Variants in NLGN4X observed in about 807,000 individuals in gnomAD.
NLGN4X encodes neuroligin 4 X-linked.
Under a neutral mutation model 40.3 loss-of-function variants are expected in NLGN4X, and 3 were observed. That is an observed-to-expected ratio of 0.07 (90% confidence interval 0.03 to 0.19). The LOEUF is 0.19. Among genes scored for constraint, NLGN4X ranks in the 10% least tolerant of loss-of-function variants. The probability of loss-of-function intolerance (pLI) is 1.00; values close to 1 mark genes in which losing one functional copy is unlikely to be tolerated. For synonymous variants in NLGN4X, 270 were observed against 306.8 expected (o/e 0.88, Z 1.25); for missense variants, 382 against 708.3 (o/e 0.54, Z 5.23).
At chrX:6,052,852 T>C (rs2037527364) in intron 2 of NLGN4X, among the ~76,000 whole-genome samples, 2 of 112,479 alleles carry the variant, frequency 1.8e-5, no homozygotes, top group African/African-American at 3.2e-5. Flanking sequence ...ACATCACAAA[T>C]TATAACAGAG....
chrX:6,007,084 T>TTA (rs761259364), intron 3 of NLGN4X, among the ~76,000 whole-genome samples: 87 of 111,925 alleles, frequency 7.8e-4, no homozygotes, highest in Middle Eastern at 4.6e-3. Flanking sequence ...ATATAAATGT[T>TTA]TATATATACC....
At chrX:5,915,773 C>T (rs1209391293) in intron 3 of NLGN4X, among the ~76,000 whole-genome samples, 2 of 112,060 alleles carry the variant, frequency 1.8e-5, no homozygotes, top group Non-Finnish European at 3.8e-5. Flanking sequence ...CTCCTGAGCT[C>T]AAGTGATCTC....
At chrX:6,026,594 A>T (rs1215280515) in intron 3 of NLGN4X, among the ~76,000 whole-genome samples, 2 of 112,024 alleles carry the variant, frequency 1.8e-5, no homozygotes, top group East Asian at 5.6e-4. Flanking sequence ...CACATTTTAA[A>T]GTCTCTATCG....
rs1398293218 is a variant in NLGN4X, at chrX:5,898,087, TTC to T, written c.1602-4423_1602-4422del. ...CTCGCTACTTTCCTTCCTTCCTCTC[TTC>T]TTTCTCCCTTCTCCCTTCCTCTCTT... On this transcript the variant is annotated intron_variant, in intron 5 of 5. Transcript: ENST00000381095. Among the ~76,000 whole-genome samples, 6 of 87,210 alleles carry T rather than the reference TTC, an allele frequency of 6.9e-5. 1 individual carries two copies. The South Asian group carries it at 4.8e-3, about 69-fold the overall frequency. 75.7% of individuals were successfully genotyped at this position (87,210 alleles called of 115,157 possible). A position where few individuals can be genotyped will look rare whatever the true frequency, so the allele number is the denominator to read the frequency against.
intron 3 of NLGN4X, among the ~76,000 whole-genome samples, chrX:5,945,728 C>CACAT (rs2034100401): frequency 1.8e-5 from 2 of 110,737 alleles, no homozygotes; most frequent in African/African-American, 6.6e-5. Flanking sequence ...AGTATGAGAA[C>CACAT]ACATGCACAC....
chrX:6,161,886 C>A (rs1394211487), intron 1 of NLGN4X, among the ~76,000 whole-genome samples: 2 of 111,267 alleles, frequency 1.8e-5, no homozygotes, highest in Non-Finnish European at 3.8e-5. Flanking sequence ...CTTATTTTAT[C>A]CATGTCATTT....
In NLGN4X at chrX:6,151,002, C is replaced by T. The variant is rs138526950; in HGVS notation, c.465G>A (p.Thr155=). ...TTCCAGTGAGGTACTCACCATCTTC[C>T]GTGGGCACGTAGATGTTTAAGTAAA... is the stretch of plus-strand genomic sequence containing the variant. ...DCLYLNIYVP[T]EDDIHDQNSK... Residue 155 remains threonine (T), a synonymous_variant, in exon 2 of 6, where the codon ACG becomes ACA. Transcript: ENST00000381095. 29 of 1,204,183 alleles carry T rather than the reference C, an allele frequency of 2.4e-5. No individual in the cohort carries two copies. In the African/African-American group the frequency reaches 4.0e-4, roughly 17 times the overall value.
At chrX:6,007,332 G>A (rs187473612) in intron 3 of NLGN4X, among the ~76,000 whole-genome samples, 107 of 110,839 alleles carry the variant, frequency 9.7e-4, no homozygotes, top group African/African-American at 3.3e-3. Context: ...GGTGGAAGGA[G>A]GAGGAAGGGG....
At chrX:5,918,167 T>TC (rs769238070) in intron 3 of NLGN4X, among the ~76,000 whole-genome samples, 1,886 of 111,132 alleles carry the variant, frequency 0.017, 42 homozygotes, top group African/African-American at 0.057. Context: ...TTTTTTTTTT[T>TC]ATTTACGTTT....
At chrX:6,162,439 C>A (rs2040419914) in intron 1 of NLGN4X, among the ~76,000 whole-genome samples, 1 of 111,403 alleles carries the variant, frequency 9.0e-6, no homozygotes, top group African/African-American at 3.3e-5. Context: ...TAATCAGCTG[C>A]CAGCAAATAT....
intron 3 of NLGN4X, among the ~76,000 whole-genome samples, chrX:5,957,974 G>C (rs1371807129): frequency 9.0e-6 from 1 of 111,513 alleles, no homozygotes; most frequent in Non-Finnish European, 1.9e-5. Flanking sequence ...CTTTTAAATT[G>C]GCCTTTTCTT....
intron 1 of NLGN4X, among the ~76,000 whole-genome samples, chrX:6,197,625 TC>T (rs1923230711): frequency 1.8e-5 from 2 of 110,838 alleles, no homozygotes; most frequent in Admixed American, 1.9e-4. Context: ...CCTATGGTAT[TC>T]ATATCATTTG....
chrX:6,108,540 A>G (rs2039080542), intron 2 of NLGN4X, among the ~76,000 whole-genome samples: 1 of 110,388 alleles, frequency 9.1e-6, no homozygotes, highest in African/African-American at 3.3e-5. Context: ...TTGGCTGGGC[A>G]TGGTGGTGTG....
Position 5,909,230 on chromosome X carries a change from C to T in NLGN4X, c.635G>A (p.Ser212Asn), listed in dbSNP as rs1190754508. The change falls in exon 4 of 6, where the codon AGT becomes AAT. Residue 212 changes from serine to asparagine, a missense_variant. Ser to Asn is a conservative substitution (Grantham distance 46). Around this residue, in one of 5 missense-constraint regions of NLGN4X, gnomAD observed 32 missense variants for 85.2 expected, o/e 0.38. Transcript: ENST00000381095. ...GCCTTTTGCTGCCTGGTCACCGGTA[C>T]TTAAAAACCCTACAAAAGAACACAA... Reference protein sequence around the residue: ...NYRLGILGFLSTGDQAAKGNY... With the variant: ...NYRLGILGFLNTGDQAAKGNY... 1 of 1,211,506 alleles carries T rather than the reference C, an allele frequency of 8.3e-7. No homozygotes were observed.
chrX:6,021,709 G>A (rs1307578038), intron 3 of NLGN4X, among the ~76,000 whole-genome samples: 1 of 109,584 alleles, frequency 9.1e-6, no homozygotes, highest in Non-Finnish European at 1.9e-5. Context: ...AGATGATGAT[G>A]AAAAACAAGA....
chrX:6,021,071 TCC>T (rs2036536941), intron 3 of NLGN4X, among the ~76,000 whole-genome samples: 2 of 30,530 alleles, frequency 6.6e-5, no homozygotes, highest in Non-Finnish European at 1.1e-4. Flanking sequence ...CCTCCCTCCC[TCC>T]CTCCCTCTCT....
intron 3 of NLGN4X, among the ~76,000 whole-genome samples, chrX:5,960,991 T>A (rs2146977918): frequency 9.0e-6 from 1 of 111,712 alleles, no homozygotes; most frequent in South Asian, 3.7e-4. Context: ...AATTTATTTA[T>A]TCATTTACTT....
chrX:6,187,355 C>T (rs1174296993), intron 1 of NLGN4X: 1 of 108,445 alleles, frequency 9.2e-6, no homozygotes, highest in South Asian at 4.1e-4. Flanking sequence ...CGCCCGTAGC[C>T]CCAGCTACCC....
chrX:5,890,259 TTTC>T lies in NLGN4X; in HGVS notation c.*2555_*2557del, dbSNP rs781119064. The T allele has an allele frequency of 2.6e-4, 43 of 165,871 alleles. No homozygotes were observed. The highest frequency in any genetic ancestry group is 1.3e-3 in the African/African-American group (39 of 30,325). The allele number at this position is 165,871 out of a possible 1,213,427, so 13.7% of individuals were successfully genotyped here. A position where few individuals can be genotyped will look rare whatever the true frequency, so the allele number is the denominator to read the frequency against. On this transcript the variant is annotated 3_prime_UTR_variant, in exon 6 of 6. Coordinates refer to ENST00000381095, the MANE Select transcript of NLGN4X (RefSeq NM_181332.3). ...TTTTTCTTACTTTTTTCTCATTTTT[TTTC>T]TTTTTTCTCTTTTTTATAGATAGCA...
Sources: gnomAD v4.1 joint callset for allele counts (sites outside exome capture counted in the v4.1 genomes callset) on GRCh38, gnomAD v4.1.1 for gene constraint, gnomAD v4.1.1 regional missense constraint, MANE v1.5 for transcripts, NCBI Gene and HGNC (gene_info 2026-07-23, HGNC 2026-07-21) for gene names.